The following CDKN1A variants were observed in gnomAD, a reference collection of about 807,000 sequenced individuals.
The protein encoded by CDKN1A is cyclin dependent kinase inhibitor 1A.
A neutral mutation model predicts 14.8 loss-of-function variants in CDKN1A; 14 were observed. The ratio of observed to expected loss-of-function variants is 0.94; its 90% CI spans 0.62 to 1.48. CDKN1A has a LOEUF of 1.48. Ranked by LOEUF, CDKN1A falls within the 40% of genes most tolerant of loss-of-function variation. The pLI is 0.00. For missense variants in CDKN1A, 203 were observed against 231.7 expected (o/e 0.88, Z 0.80); for synonymous variants, 92 against 93.5 (o/e 0.98, Z 0.09).
chr6:36,681,037 G>C (rs1761922472), intron 1 of CDKN1A, among the ~76,000 whole-genome samples: 1 of 152,152 alleles, frequency 6.6e-6, no homozygotes, highest in Admixed American at 6.5e-5. Flanking sequence ...GGAATATCCA[G>C]CACCTTGATG....
At chr6:36,679,453 G>C (rs1761823044) in intron 1 of CDKN1A, among the ~76,000 whole-genome samples, 1 of 152,228 alleles carries the variant, frequency 6.6e-6, no homozygotes, top group African/African-American at 2.4e-5. Flanking sequence ...CTGTGACAAG[G>C]AGACCCCAGG....
In CDKN1A at chr6:36,685,975, T is replaced by G; in HGVS notation, c.*175T>G. 1.5e-6 allele frequency: 1 copy of G among 669,042 alleles called. No individual in the cohort carries two copies. The highest frequency in any genetic ancestry group is 2.6e-5 in the Admixed American group (1 of 38,732). 41.4% of individuals were successfully genotyped at this position (669,042 alleles called of 1,614,324 possible). A position where few individuals can be genotyped will look rare whatever the true frequency, so the allele number is the denominator to read the frequency against. On this transcript the variant is annotated 3_prime_UTR_variant, in exon 3 of 3. Transcript: ENST00000244741. The stretch of plus-strand genomic sequence containing the variant: ...GCCCCCCAGCCTCTGGCATTAGAAT[T>G]ATTTAAACAAAAACTAGGCGGTTGA...
chr6:36,681,256 C>T (rs937874600), intron 1 of CDKN1A, among the ~76,000 whole-genome samples: 4 of 145,760 alleles, frequency 2.7e-5, no homozygotes, highest in Non-Finnish European at 6.1e-5. Context: ...AAAAAACTCC[C>T]TAGGTGCTTT....
intron 1 of CDKN1A, among the ~76,000 whole-genome samples, chr6:36,683,161 T>G (rs576653307): frequency 5.8e-4 from 89 of 152,364 alleles, no homozygotes; most frequent in Non-Finnish European, 1.0e-3. Flanking sequence ...TACGAAGTGC[T>G]GCTGGCACGT....
chr6:36,677,816 C>T (rs1479092994), upstream of CDKN1A: 18 of 1,273,396 alleles, frequency 1.4e-5, no homozygotes, highest in East Asian at 4.2e-4. Flanking sequence ...GCCCCAGTTT[C>T]CCCAGCAGTG....
chr6:36,686,313 T>C lies in CDKN1A; in HGVS notation c.*513T>C, dbSNP rs557591236. 1.4e-5 allele frequency: 4 copies of C among 294,078 alleles called. No individual in the cohort carries two copies. Among genetic ancestry groups the C allele is most frequent in the East Asian group, 5.2e-5 (1 of 19,294 alleles). The allele number at this position is 294,078 out of a possible 1,614,324, so 18.2% of individuals were successfully genotyped here. ...CGAGTGGGGGCATCATCAAAAACTT[T>C]GGAGTCCCCTCACCTCCTCTAAGGT... is the stretch of plus-strand genomic sequence containing the variant. On this transcript the variant is annotated 3_prime_UTR_variant, in exon 3 of 3. Coordinates refer to ENST00000244741, the MANE Select transcript of CDKN1A (RefSeq NM_000389.5). This position sits in a 1 kb window ranked among gnomAD's most constrained non-coding sequence, Gnocchi z 4.9.
chr6:36,684,423 G>A lies in CDKN1A; in HGVS notation c.322G>A (p.Glu108Lys), dbSNP rs763032692. The part of the protein sequence containing the change: ...SPALLQGTAE[E>K]DHVDLSLSCT... ...TGCTCTGCTGCAGGGGACAGCAGAG[G>A]AAGACCATGTGGACCTGTCACTGTC... The change falls in exon 2 of 3, where the codon GAA becomes AAA. Residue 108 changes from glutamate to lysine, a missense_variant. Coordinates refer to ENST00000244741, the MANE Select transcript of CDKN1A (RefSeq NM_000389.5). The surrounding 1 kb of genome is among the most constrained non-coding windows in gnomAD (Gnocchi z 6.0). 6.2e-7 allele frequency: 1 copy of A among 1,613,848 alleles called. No homozygotes were observed. Among genetic ancestry groups the A allele is most frequent in the African/African-American group, 1.3e-5 (1 of 75,060 alleles).
rs775222810 is a variant in CDKN1A, at chr6:36,684,180, A to G, written c.79A>G (p.Ser27Gly). ...ACRRLFGPVD[S>G]EQLSRDCDAL... The stretch of plus-strand genomic sequence containing the variant: ...CCGCCGCCTCTTCGGCCCAGTGGAC[A>G]GCGAGCAGCTGAGCCGCGACTGTGA... Residue 27 changes from serine (S) to glycine (G), a missense_variant, in exon 2 of 3, where the codon AGC becomes GGC. Coordinates refer to ENST00000244741, the MANE Select transcript of CDKN1A (RefSeq NM_000389.5). This position sits in a 1 kb window ranked among gnomAD's most constrained non-coding sequence, Gnocchi z 6.0. The G allele has an allele frequency of 3.7e-6, 6 of 1,612,190 alleles. No homozygotes were observed. Among genetic ancestry groups the G allele is most frequent in the Middle Eastern group, 3.3e-4 (2 of 6,062 alleles).
At chr6:36,677,879 C>T, upstream of CDKN1A, 1 of 1,365,116 alleles carries the variant, frequency 7.3e-7, no homozygotes, top group Middle Eastern at 1.9e-4. Context: ...CTCGTCAAAT[C>T]CTCCCCTTCC....
upstream of CDKN1A, chr6:36,678,547 G>T: frequency 1.9e-6 from 1 of 530,496 alleles, no homozygotes; most frequent in Non-Finnish European, 2.4e-6. The surrounding 1 kb of genome is among the most constrained non-coding windows in gnomAD (Gnocchi z 5.7). Context: ...CGGCTGGCCT[G>T]CTGGAACTCG....
rs1214437185 is a variant in CDKN1A at position 36,686,642 on chromosome 6, CCT to C, written c.*846_*847del. The C allele has an allele frequency of 4.3e-6, 1 of 233,864 alleles. No individual in the cohort carries two copies. Among genetic ancestry groups the C allele is most frequent in the African/African-American group, 2.2e-5 (1 of 45,322 alleles). 14.5% of individuals were successfully genotyped at this position (233,864 alleles called of 1,614,324 possible). A position where few individuals can be genotyped will look rare whatever the true frequency, so the allele number is the denominator to read the frequency against. On this transcript the variant is annotated 3_prime_UTR_variant, in exon 3 of 3. Coordinates refer to ENST00000244741, the MANE Select transcript of CDKN1A (RefSeq NM_000389.5). This position sits in a 1 kb window ranked among gnomAD's most constrained non-coding sequence, Gnocchi z 4.9. ...CCCCCTTGTCCTTTCCCTTCAGTAC[CCT>C]CTCAGCTCCAGGTGGCTCTGAGGTG...
intron 1 of CDKN1A, among the ~76,000 whole-genome samples, chr6:36,681,280 T>TTTTCTTTCTTTCTTTCTTTC (rs1203395813): frequency 8.9e-6 from 1 of 112,788 alleles, no homozygotes; most frequent in South Asian, 3.0e-4. Context: ...TTCTTTCTTT[T>TTTTCTTTCTTTCTTTCTTTC]TTTCTTTCTT....
intron 1 of CDKN1A, among the ~76,000 whole-genome samples, chr6:36,681,334 T>TC (rs1554185368): frequency 1.2e-5 from 1 of 86,136 alleles, no homozygotes; most frequent in African/African-American, 4.3e-5. Flanking sequence ...CTTTCTTTCT[T>TC]TTTCTTTCTT....
At chr6:36,681,578 T>G (rs2150310452) in intron 1 of CDKN1A, among the ~76,000 whole-genome samples, 1 of 139,698 alleles carries the variant, frequency 7.2e-6, no homozygotes, top group Non-Finnish European at 1.6e-5. Context: ...CCCGCCCCCA[T>G]GCCCAGATTT....
chr6:36,687,065 C>T lies in CDKN1A; in HGVS notation c.*1265C>T, dbSNP rs1382434582. ...GGCTGGGAGTAGTTGTCTTTCCTGG[C>T]ACTAACGTTGAGCCCCTGGAGGCAC... is the stretch of plus-strand genomic sequence containing the variant. On this transcript the variant is annotated 3_prime_UTR_variant, in exon 3 of 3. Coordinates refer to ENST00000244741, the MANE Select transcript of CDKN1A (RefSeq NM_000389.5). 1 of 233,358 alleles carries T rather than the reference C, an allele frequency of 4.3e-6. No homozygotes were observed. The highest frequency in any genetic ancestry group is 1.3e-3 in the Middle Eastern group (1 of 786). 14.5% of individuals were successfully genotyped at this position (233,358 alleles called of 1,614,324 possible). A position where few individuals can be genotyped will look rare whatever the true frequency, so the allele number is the denominator to read the frequency against.
In CDKN1A at chr6:36,687,248, C is replaced by T. The variant is rs1223890425; in HGVS notation, c.*1448C>T. ...AACCTCTCGAGGGCAGGGACCACAC[C>T]CTGTACTGTTCTGTGTCTTTCACAG... On this transcript the variant is annotated 3_prime_UTR_variant, in exon 3 of 3. Coordinates refer to ENST00000244741, the MANE Select transcript of CDKN1A (RefSeq NM_000389.5). The T allele has an allele frequency of 1.7e-5, 4 of 232,932 alleles. No individual in the cohort carries two copies. The highest frequency in any genetic ancestry group is 3.4e-5 in the Non-Finnish European group (4 of 118,002). The allele number at this position is 232,932 out of a possible 1,614,324, so 14.4% of individuals were successfully genotyped here.
At chr6:36,678,490 T>G (rs1339381859), upstream of CDKN1A, 3 of 167,234 alleles carry the variant, frequency 1.8e-5, no homozygotes, top group Non-Finnish European at 3.7e-5. The surrounding 1 kb of genome is among the most constrained non-coding windows in gnomAD (Gnocchi z 5.7). Context: ...GGCGAGGGAC[T>G]GGGGGAGGAG....
At position 36,684,561 on chromosome 6, in the gene CDKN1A, A is replaced by C. The variant is rs1297316289; in HGVS notation, c.445+15A>C. ...CAGCATGACAGGTGCGGACATGTGC[A>C]CGGAAGGACTTTGTAAGGGACCAGG... On this transcript the variant is annotated intron_variant, in intron 2 of 2. Transcript: ENST00000244741. This position sits in a 1 kb window ranked among gnomAD's most constrained non-coding sequence, Gnocchi z 6.0. 1.9e-6 allele frequency: 3 copies of C among 1,612,210 alleles called. No individual in the cohort carries two copies. Among genetic ancestry groups the C allele is most frequent in the Non-Finnish European group, 2.5e-6 (3 of 1,178,586 alleles).
chr6:36,678,546 T>G, upstream of CDKN1A: 3 of 516,894 alleles, frequency 5.8e-6, no homozygotes, highest in Non-Finnish European at 7.5e-6. This position sits in a 1 kb window ranked among gnomAD's most constrained non-coding sequence, Gnocchi z 5.7. Flanking sequence ...CCGGCTGGCC[T>G]GCTGGAACTC....
Sources: allele counts gnomAD v4.1 joint callset (sites outside exome capture counted in the v4.1 genomes callset), GRCh38; gene constraint gnomAD v4.1.1; non-coding constraint Gnocchi (gnomAD v3.1); transcripts MANE v1.5; gene names NCBI Gene and HGNC (gene_info 2026-07-23, HGNC 2026-07-21).